ITPKB: variants seen among roughly 807,000 people sequenced by gnomAD.
ITPKB encodes the protein inositol-trisphosphate 3-kinase B.
ITPKB carries 13 observed loss-of-function variants against 69.4 expected under a neutral mutation model. The observed-to-expected ratio is 0.19, with a 90% confidence interval of 0.12 to 0.30. ITPKB has a LOEUF of 0.30. Ranked by LOEUF, ITPKB falls within the 10% of genes least tolerant of loss-of-function variation. The pLI, the probability that ITPKB is intolerant of heterozygous loss-of-function variation, is 1.00. For synonymous variants in ITPKB, 584 were observed against 513.7 expected (o/e 1.14, Z -1.85); for missense variants, 1,240 against 1,250.5 (o/e 0.99, Z 0.13).
intron 2 of ITPKB, among the ~76,000 whole-genome samples, chr1:226,723,192 T>C (rs1275051653): frequency 2.0e-5 from 3 of 152,092 alleles, no homozygotes; most frequent in African/African-American, 7.2e-5. Flanking sequence ...TGACTGGCTT[T>C]TCCTTCCACT....
At position 226,664,759 on chromosome 1, in the gene ITPKB, C is replaced by T. The variant is rs900457015; in HGVS notation, c.1933-15988G>A. On this transcript the variant is annotated intron_variant, in intron 2 of 7. Transcript: ENST00000429204. ...TGAATCTTCGGAAAAGGAAGCGAGC[C>T]GATAAACTGCCAAAGAGCCCCGGGA... 4.6e-5 allele frequency among the ~76,000 whole-genome samples: 7 copies of T among 152,142 alleles called. No individual in the cohort carries two copies. In the East Asian group the frequency reaches 5.8e-4, roughly 13 times the overall value.
intron 7 of ITPKB, among the ~76,000 whole-genome samples, chr1:226,635,656 C>A (rs1466019312): frequency 6.6e-6 from 1 of 152,238 alleles, no homozygotes; most frequent in Non-Finnish European, 1.5e-5. Context: ...AGCGTCCAAA[C>A]TATCCCGGGG....
rs1656236137 is a variant in ITPKB at position 226,687,149 on chromosome 1, C to T, written c.1933-38378G>A. Among the ~76,000 whole-genome samples the T allele has an allele frequency of 2.0e-5, 3 of 152,332 alleles. No individual in the cohort carries two copies. The South Asian group carries it at 6.2e-4, about 32-fold the overall frequency. ...AGGAATATTTAAAAAAGGAATCTTT[C>T]TATAGCGTCATTTACACTTGGGCCA... On this transcript the variant is annotated intron_variant, in intron 2 of 7. Transcript: ENST00000429204.
In ITPKB at chr1:226,634,441, A is replaced by G; in HGVS notation, c.*230T>C. 1.8e-6 allele frequency: 1 copy of G among 545,192 alleles called. No homozygotes were observed. Among genetic ancestry groups the G allele is most frequent in the Non-Finnish European group, 3.3e-6 (1 of 302,884 alleles). 33.8% of individuals were successfully genotyped at this position (545,192 alleles called of 1,614,324 possible). ...ACCTGACCCACCTCTAAGACTGGGC[A>G]TTTCTCTTCTAGTAGGTGACCCTCT... is the stretch of plus-strand genomic sequence containing the variant. On this transcript the variant is annotated 3_prime_UTR_variant, in exon 8 of 8. Transcript: ENST00000429204. This position sits in a 1 kb window ranked among gnomAD's most constrained non-coding sequence, Gnocchi z 6.3.
At chr1:226,663,490 T>C (rs1304262080) in intron 2 of ITPKB, among the ~76,000 whole-genome samples, 1 of 152,054 alleles carries the variant, frequency 6.6e-6, no homozygotes, top group Non-Finnish European at 1.5e-5. Flanking sequence ...TAGGCTACAA[T>C]GATTCAACAT....
rs978505145 is a variant in ITPKB, at chr1:226,641,195, A to G, written c.2451+726T>C. On this transcript the variant is annotated intron_variant, in intron 5 of 7. Transcript: ENST00000429204. The surrounding 1 kb of genome is among the most constrained non-coding windows in gnomAD (Gnocchi z 4.6). ...CAATCCAGACAGTGCCAGTTCCCCA[A>G]TTTATTCTGGGGAAAGTAAATCAAC... Among the ~76,000 whole-genome samples the G allele has an allele frequency of 1.1e-4, 17 of 152,194 alleles. No homozygotes were observed. The highest frequency in any genetic ancestry group is 4.1e-4 in the African/African-American group (17 of 41,462).
chr1:226,729,180 A>G (rs1657512484), intron 2 of ITPKB, among the ~76,000 whole-genome samples: 1 of 152,000 alleles, frequency 6.6e-6, no homozygotes, highest in Admixed American at 6.5e-5. Context: ...CCTCTGTAAA[A>G]TGTGGATATT....
chr1:226,730,824 A>G (rs1295112101), intron 2 of ITPKB, among the ~76,000 whole-genome samples: 1 of 152,260 alleles, frequency 6.6e-6, no homozygotes, highest in Non-Finnish European at 1.5e-5. Context: ...ACTGCATTTA[A>G]CAGGTATGTG....
At position 226,735,912 on chromosome 1, in the gene ITPKB, G is replaced by A. The variant is rs2102653594; in HGVS notation, c.1547C>T (p.Ala516Val). The change falls in exon 2 of 8, where the codon GCC (alanine) becomes GTC (valine). Residue 516 changes from alanine to valine, a missense_variant. Ala to Val is a moderately conservative substitution (Grantham distance 64). This residue lies in a region of ITPKB where 992 missense variants were observed against 853.8 expected (regional missense o/e 1.16). Coordinates refer to ENST00000429204, the MANE Select transcript of ITPKB (RefSeq NM_002221.4). ...TGTGCCACGCGTCCAAGCCAAACCG[G>A]CTTTCTCCATGGTGCCCTGCCAAAC... ...SRVWQGTMEK[A>V]GLAWTRGTGV... is the part of the protein sequence containing the mutation. 1 of 1,613,652 alleles carries A rather than the reference G, an allele frequency of 6.2e-7. No homozygotes were observed. Among genetic ancestry groups the A allele is most frequent in the East Asian group, 2.2e-5 (1 of 44,868 alleles).
At chr1:226,695,982 T>C (rs181288860) in intron 2 of ITPKB, among the ~76,000 whole-genome samples, 1 of 152,242 alleles carries the variant, frequency 6.6e-6, no homozygotes, top group Admixed American at 6.5e-5. Flanking sequence ...AAAAGACTAA[T>C]TACTCCCAGC....
rs1053721326 is a variant in ITPKB, at chr1:226,633,231, G to C, written c.*1440C>G. On this transcript the variant is annotated 3_prime_UTR_variant, in exon 8 of 8. Coordinates refer to ENST00000429204, the MANE Select transcript of ITPKB (RefSeq NM_002221.4). ...GTGGGCAGGTTGACAGTTCCCCAGA[G>C]ACCCCGGGGTGGTGGGGTGGGCAGT... 1 of 152,280 alleles carries C rather than the reference G, an allele frequency of 6.6e-6. No homozygotes were observed. The highest frequency in any genetic ancestry group is 1.5e-5 in the Non-Finnish European group (1 of 68,088). 9.4% of individuals were successfully genotyped at this position (152,280 alleles called of 1,614,324 possible).
intron 2 of ITPKB, among the ~76,000 whole-genome samples, chr1:226,695,261 G>A (rs1023659513): frequency 1.3e-5 from 2 of 152,056 alleles, no homozygotes; most frequent in Non-Finnish European, 2.9e-5. Flanking sequence ...ATAAATAAAT[G>A]AAAGCTGGGA....
In ITPKB at chr1:226,641,084, C is replaced by T. The variant is rs570339574; in HGVS notation, c.2451+837G>A. Among the ~76,000 whole-genome samples the T allele has an allele frequency of 5.3e-5, 8 of 152,328 alleles. No homozygotes were observed. Among genetic ancestry groups the T allele is most frequent in the South Asian group, 2.1e-4 (1 of 4,828 alleles). ...GACAGCTTCTGAGACCCTGAGGGGC[C>T]GGCGCCCCAAAGCCCGGCTCTTGCA... On this transcript the variant is annotated intron_variant, in intron 5 of 7. Transcript: ENST00000429204. The surrounding 1 kb of genome is among the most constrained non-coding windows in gnomAD (Gnocchi z 4.6).
At chr1:226,708,957 A>C (rs1023886225) in intron 2 of ITPKB, among the ~76,000 whole-genome samples, 24 of 152,136 alleles carry the variant, frequency 1.6e-4, no homozygotes, top group African/African-American at 5.1e-4. Context: ...GGAGAGCCTA[A>C]GGGAGACGGA....
At chr1:226,703,586 G>A (rs1166692147) in intron 2 of ITPKB, among the ~76,000 whole-genome samples, 1 of 152,188 alleles carries the variant, frequency 6.6e-6, no homozygotes, top group East Asian at 1.9e-4. Context: ...GCCGTCTCCC[G>A]GCATGCTCGG....
At chr1:226,653,374 G>A (rs566246545) in intron 2 of ITPKB, among the ~76,000 whole-genome samples, 1 of 152,322 alleles carries the variant, frequency 6.6e-6, no homozygotes, top group Non-Finnish European at 1.5e-5. Context: ...GGAAGGACAA[G>A]AGCAAGATTC....
At position 226,639,649 on chromosome 1, in the gene ITPKB, C is replaced by A. The variant is rs746879876; in HGVS notation, c.2461G>T (p.Gly821Cys). The A allele has an allele frequency of 6.2e-6, 10 of 1,612,762 alleles. No individual in the cohort carries two copies. In the Admixed American group the frequency reaches 1.2e-4, roughly 19 times the overall value. Residue 821 changes from glycine (G) to cysteine (C), a missense_variant, in exon 6 of 8, where the codon GGC becomes TGC. Coordinates refer to ENST00000429204, the MANE Select transcript of ITPKB (RefSeq NM_002221.4). ...FRIEGIKKED[G>C]TVNRDFKKTK... ...TTCTTGAAGTCCCGGTTCACGGTGC[C>A]GTCTTCTTTCTGAGAAAGAGAACAC...
chr1:226,654,759 C>G (rs947002157), intron 2 of ITPKB, among the ~76,000 whole-genome samples: 2 of 152,216 alleles, frequency 1.3e-5, no homozygotes, highest in Non-Finnish European at 2.9e-5. Context: ...CTCCCCGGGT[C>G]CTTCCCATCA....
chr1:226,703,659 G>C (rs1656733647), intron 2 of ITPKB, among the ~76,000 whole-genome samples: 1 of 152,364 alleles, frequency 6.6e-6, no homozygotes, highest in Non-Finnish European at 1.5e-5. Context: ...GCGCTAGCGG[G>C]CCCGCAGCAG....
Sources: allele counts gnomAD v4.1 joint callset (sites outside exome capture counted in the v4.1 genomes callset), GRCh38; gene constraint gnomAD v4.1.1; regional missense constraint gnomAD v4.1.1; non-coding constraint Gnocchi (gnomAD v3.1); transcripts MANE v1.5; gene names NCBI Gene and HGNC (gene_info 2026-07-23, HGNC 2026-07-21).